PEX5L: variants seen among roughly 807,000 people sequenced by gnomAD.
PEX5L encodes the protein peroxisomal biogenesis factor 5 like, also known as PEX5-related protein.
PEX5L carries 30 observed loss-of-function variants against 84.0 expected under a neutral mutation model. The observed-to-expected ratio is 0.36, with a 90% confidence interval of 0.27 to 0.48. The LOEUF (loss-of-function observed/expected upper bound fraction) is 0.48, where lower values mean the gene tolerates loss of function less well. Ranked by LOEUF, PEX5L falls within the 20% of genes least tolerant of loss-of-function variation. PEX5L has a pLI of 0.99. For synonymous variants in PEX5L, 270 were observed against 283.1 expected, an observed-to-expected ratio of 0.95 and a Z score of 0.46; for missense variants, 533 against 754.6, an observed-to-expected ratio of 0.71 and a Z score of 3.44.
chr3:179,829,216 C>CT lies in PEX5L; in HGVS notation c.823-9241dup, dbSNP rs532493894. On this transcript the variant is annotated intron_variant, in intron 8 of 14. Coordinates refer to ENST00000467460, the MANE Select transcript of PEX5L (RefSeq NM_016559.3). Reference sequence around the variant, plus strand: ...TTTCCAATTTCCTTTACTATTTTTGCTTTTCTCTGGACTGTTTCAGTTGAT... The same window carrying CT: ...TTTCCAATTTCCTTTACTATTTTTGCTTTTTCTCTGGACTGTTTCAGTTGAT... Among the ~76,000 whole-genome samples the CT allele has an allele frequency of 8.7e-3, 1,332 of 152,256 alleles. 15 individuals are homozygous for CT. Among genetic ancestry groups the CT allele is most frequent in the Non-Finnish European group, 9.1e-3 (622 of 68,016 alleles).
chr3:179,931,648 AT>A (rs930350991), intron 2 of PEX5L, among the ~76,000 whole-genome samples: 6 of 151,934 alleles, frequency 3.9e-5, no homozygotes, highest in African/African-American at 7.3e-5. Flanking sequence ...ACTTGCTATA[AT>A]TTTTTTTCTA....
chr3:179,894,474 C>T (rs1297507069), intron 3 of PEX5L, among the ~76,000 whole-genome samples: 2 of 152,074 alleles, frequency 1.3e-5, no homozygotes, highest in Non-Finnish European at 2.9e-5. Context: ...CAGCTAGCTA[C>T]AACTATTTTC....
At chr3:179,949,673 T>G (rs1253286837) in intron 2 of PEX5L, among the ~76,000 whole-genome samples, 1 of 152,130 alleles carries the variant, frequency 6.6e-6, no homozygotes, top group Non-Finnish European at 1.5e-5. Context: ...GCTGCTGCCT[T>G]TTTCATGCAA....
At chr3:179,811,686 T>C (rs1208320872) in intron 11 of PEX5L, 115 bp downstream of exon 11, 3 of 816,820 alleles carry the variant, frequency 3.7e-6, no homozygotes, top group African/African-American at 1.7e-5. Flanking sequence ...TCAGCACTTA[T>C]CCTTTACAAA....
chr3:179,809,393 G>T, intron 12 of PEX5L, 78 bp downstream of exon 12: 1 of 1,040,794 alleles, frequency 9.6e-7, no homozygotes, highest in Non-Finnish European at 1.5e-6. Context: ...TAGGGTGTGA[G>T]GCTCATTAGT....
Position 179,859,113 on chromosome 3 carries a change from A to G in PEX5L, c.771T>C (p.Ser257=). 4.3e-6 allele frequency: 7 copies of G among 1,614,112 alleles called. No individual in the cohort carries two copies. The highest frequency in any genetic ancestry group is 5.1e-6 in the Non-Finnish European group (6 of 1,179,928). The change falls in exon 8 of 15, where the codon TCT becomes TCC. Residue 257 remains serine (S), a synonymous_variant. Transcript: ENST00000467460. ...ACTCTTCTTCTAAGGAGTGGTTTCT[A>G]GAAAGTAATGCGCTTCCCCAGCGAT... is the stretch of plus-strand genomic sequence containing the variant. ...KEHRWGSALL[S]RNHSLEEEFE... is the part of the protein sequence containing the mutation.
chr3:179,802,770 G>A (rs1171110612), intron 14 of PEX5L, among the ~76,000 whole-genome samples: 1 of 151,926 alleles, frequency 6.6e-6, no homozygotes, highest in East Asian at 1.9e-4. Context: ...TTTCCCATTA[G>A]TGCTAGATGT....
At chr3:180,000,651 CAT>C (rs1561045057) in intron 1 of PEX5L, among the ~76,000 whole-genome samples, 1 of 152,176 alleles carries the variant, frequency 6.6e-6, no homozygotes, top group Non-Finnish European at 1.5e-5. Flanking sequence ...TTGTTAAAAA[CAT>C]GTTTGTGCAT....
chr3:179,875,497 C>T lies in PEX5L; in HGVS notation c.506-20G>A. ...GAATGTCTAGTAAGTACAGAGGAAGCAGGTGAGGCAGGTGGCGGCAGGGCG... is the reference window on the plus strand; with the variant it reads ...GAATGTCTAGTAAGTACAGAGGAAGTAGGTGAGGCAGGTGGCGGCAGGGCG... On this transcript the variant is annotated intron_variant, in intron 5 of 14. Coordinates refer to ENST00000467460, the MANE Select transcript of PEX5L (RefSeq NM_016559.3). The T allele has an allele frequency of 1.9e-6, 3 of 1,603,122 alleles. No individual in the cohort carries two copies. Among genetic ancestry groups the T allele is most frequent in the Non-Finnish European group, 1.7e-6 (2 of 1,174,880 alleles).
chr3:179,859,962 C>T (rs1264904087), intron 7 of PEX5L, among the ~76,000 whole-genome samples: 2 of 152,134 alleles, frequency 1.3e-5, no homozygotes, highest in African/African-American at 4.8e-5. Context: ...AAGAGGTGGA[C>T]CACTAGACCT....
intron 6 of PEX5L, among the ~76,000 whole-genome samples, chr3:179,874,858 G>A (rs1577917857): frequency 6.7e-6 from 1 of 148,524 alleles, no homozygotes; most frequent in Admixed American, 6.9e-5. Flanking sequence ...TGGCAGGGCA[G>A]TAGGAGACGG....
intron 8 of PEX5L, among the ~76,000 whole-genome samples, chr3:179,842,266 C>G (rs1737594828): frequency 6.6e-6 from 1 of 152,134 alleles, no homozygotes; most frequent in South Asian, 2.1e-4. Context: ...GCTCTGTCAT[C>G]AAAGCTCTGT....
chr3:179,874,450 A>C (rs1291085660), intron 6 of PEX5L, 27 bp from the exon 7 acceptor site: 1 of 1,232,702 alleles, frequency 8.1e-7, no homozygotes, highest in Admixed American at 1.9e-5. Flanking sequence ...AAGGAAATTA[A>C]ACGTACACTA....
chr3:179,922,108 G>T (rs918481246), intron 2 of PEX5L, among the ~76,000 whole-genome samples: 1 of 151,962 alleles, frequency 6.6e-6, no homozygotes, highest in Non-Finnish European at 1.5e-5. Context: ...ACTTGTAACT[G>T]CTGGGATTAT....
intron 8 of PEX5L, among the ~76,000 whole-genome samples, chr3:179,849,124 C>CTAGTGT (rs897121027): frequency 2.6e-5 from 4 of 152,190 alleles, no homozygotes; most frequent in African/African-American, 9.7e-5. Context: ...TTTATAGCTA[C>CTAGTGT]TAGTGTTACC....
chr3:179,931,047 A>C (rs961312301), intron 2 of PEX5L, among the ~76,000 whole-genome samples: 7 of 152,210 alleles, frequency 4.6e-5, no homozygotes, highest in African/African-American at 7.2e-5. Context: ...TAAATTAAAA[A>C]ACACACACAC....
intron 8 of PEX5L, among the ~76,000 whole-genome samples, chr3:179,825,783 T>A (rs1238865024): frequency 6.6e-6 from 1 of 152,214 alleles, no homozygotes; most frequent in Non-Finnish European, 1.5e-5. Context: ...AAAAATCTCT[T>A]AAGAGTAAGC....
intron 2 of PEX5L, among the ~76,000 whole-genome samples, chr3:179,910,178 C>T (rs1364622610): frequency 5.3e-5 from 8 of 151,362 alleles, no homozygotes; most frequent in South Asian, 2.1e-4. Context: ...AATTTGGAAG[C>T]CTTGGCCTCC....
intron 3 of PEX5L, among the ~76,000 whole-genome samples, chr3:179,892,570 A>G (rs1289175433): frequency 6.6e-6 from 1 of 152,174 alleles, no homozygotes; most frequent in East Asian, 1.9e-4. Flanking sequence ...GAATTATTGC[A>G]TGGGTGTCCT....
Sources: gnomAD v4.1 joint callset for allele counts (sites outside exome capture counted in the v4.1 genomes callset) on GRCh38, gnomAD v4.1.1 for gene constraint, MANE v1.5 for transcripts, NCBI Gene and HGNC (gene_info 2026-07-23, HGNC 2026-07-21) for gene names.